Variants in CASR observed in about 807,000 individuals in gnomAD.
CASR encodes the protein extracellular calcium-sensing receptor.
CASR carries 23 observed loss-of-function variants against 69.1 expected under a neutral mutation model. The ratio of observed to expected loss-of-function variants is 0.33; its 90% CI spans 0.24 to 0.47. CASR has a LOEUF of 0.47. Among genes scored for constraint, CASR ranks in the 20% least tolerant of loss-of-function variants. CASR has a pLI of 1.00. For synonymous variants in CASR, 541 were observed against 544.7 expected (o/e 0.99, Z 0.10); for missense variants, 924 against 1,356.1 (o/e 0.68, Z 5.00).
intron 1 of CASR, among the ~76,000 whole-genome samples, chr3:122,250,705 G>C (rs1171058775): frequency 1.3e-5 from 2 of 152,204 alleles, no homozygotes; most frequent in Non-Finnish European, 2.9e-5. Context: ...ATAAATGCTA[G>C]TTTCTGTCTC....
intron 1 of CASR, among the ~76,000 whole-genome samples, chr3:122,189,790 A>G (rs900417600): frequency 6.6e-6 from 1 of 152,228 alleles, no homozygotes; most frequent in Non-Finnish European, 1.5e-5. Flanking sequence ...AAGAAATTGC[A>G]GTTGTACCCC....
At chr3:122,184,071 C>A (rs1484197325) in intron 1 of CASR, among the ~76,000 whole-genome samples, 1 of 152,116 alleles carries the variant, frequency 6.6e-6, no homozygotes, top group Non-Finnish European at 1.5e-5. Flanking sequence ...GCTGGGGACC[C>A]GAGCCGGCCT....
rs1463662689 is a variant in CASR at position 122,243,856 on chromosome 3, A to C, written c.-242-10092A>C. ...AGTACTATTCCATCATAAAAAAAAAAATGAGATCCTGTCATTTGCAGCAAC... is the reference window on the plus strand; with the variant it reads ...AGTACTATTCCATCATAAAAAAAAACATGAGATCCTGTCATTTGCAGCAAC... On this transcript the variant is annotated intron_variant, in intron 1 of 6. Coordinates refer to ENST00000639785, the MANE Select transcript of CASR (RefSeq NM_000388.4). Among the ~76,000 whole-genome samples the C allele has an allele frequency of 2.0e-5, 3 of 152,120 alleles. No individual in the cohort carries two copies. In the East Asian group the frequency reaches 5.8e-4, roughly 29 times the overall value.
rs964933926 is a variant in CASR, at chr3:122,183,674, G to A, written c.-381G>A. On this transcript the variant is annotated 5_prime_UTR_variant, in exon 1 of 7. Coordinates refer to ENST00000639785, the MANE Select transcript of CASR (RefSeq NM_000388.4). ...GCGCGCTGTGGAGTCGGGTAGAGTAGACCAAGTGCAACAGGCACCTGGCTG... is the reference window on the plus strand; with the variant it reads ...GCGCGCTGTGGAGTCGGGTAGAGTAAACCAAGTGCAACAGGCACCTGGCTG... 7.9e-5 allele frequency: 12 copies of A among 152,142 alleles called. No homozygotes were observed. The highest frequency in any genetic ancestry group is 7.2e-4 in the Admixed American group (11 of 15,286). The allele number at this position is 152,142 out of a possible 1,614,324, so 9.4% of individuals were successfully genotyped here. A position where few individuals can be genotyped will look rare whatever the true frequency, so the allele number is the denominator to read the frequency against.
In CASR at chr3:122,290,766, A is replaced by G. The variant is rs961077567; in HGVS notation, c.*5575A>G. 1 of 151,758 alleles carries G rather than the reference A, an allele frequency of 6.6e-6. No homozygotes were observed. The highest frequency in any genetic ancestry group is 1.5e-5 in the Non-Finnish European group (1 of 67,972). 9.4% of individuals were successfully genotyped at this position (151,758 alleles called of 1,614,324 possible). ...TATTATACTTTAAGTTTTAGGGTAC[A>G]TGTGCACAACGTGCAGGTTTGTTAC... On this transcript the variant is annotated 3_prime_UTR_variant, in exon 7 of 7. Transcript: ENST00000639785.
chr3:122,283,621 C>A, intron 6 of CASR, 66 bp from the exon 7 acceptor site: 2 of 1,285,246 alleles, frequency 1.6e-6, no homozygotes, highest in South Asian at 2.4e-5. Flanking sequence ...CCCACCACCA[C>A]ATGTACACTC....
At chr3:122,202,095 C>T (rs1485583973) in intron 1 of CASR, among the ~76,000 whole-genome samples, 3 of 150,948 alleles carry the variant, frequency 2.0e-5, no homozygotes, top group East Asian at 2.0e-4. Context: ...TGTAGCGAGC[C>T]GAGATCACGC....
chr3:122,248,151 G>A (rs978500885), intron 1 of CASR, among the ~76,000 whole-genome samples: 1 of 152,160 alleles, frequency 6.6e-6, no homozygotes, highest in Non-Finnish European at 1.5e-5. Context: ...CCGAAAGAGG[G>A]CCCTCATTTT....
intron 4 of CASR, among the ~76,000 whole-genome samples, chr3:122,269,527 C>T (rs769000167): frequency 2.6e-5 from 4 of 152,176 alleles, no homozygotes; most frequent in South Asian, 2.1e-4. Context: ...ACCAACCTTT[C>T]GTTCCTGGGA....
chr3:122,245,527 A>C (rs3851982), intron 1 of CASR: 126,504 of 152,048 alleles, frequency 0.83, 53,077 homozygotes, highest in Admixed American at 0.88. Context: ...AAGGAATGAT[A>C]GGCATGTGGT....
chr3:122,262,539 G>C, intron 4 of CASR, 127 bp downstream of exon 4: 1 of 796,160 alleles, frequency 1.3e-6, no homozygotes, highest in Non-Finnish European at 2.1e-6. Context: ...ATGGAGCTTT[G>C]GATTCAAAGT....
chr3:122,272,094 C>T (rs879842528), intron 4 of CASR, among the ~76,000 whole-genome samples: 5,498 of 77,860 alleles, frequency 0.071, 158 homozygotes, highest in African/African-American at 0.18. Flanking sequence ...TAGGAATGCA[C>T]ACACACACAC....
chr3:122,199,176 A>G (rs2073918464), intron 1 of CASR, among the ~76,000 whole-genome samples: 1 of 152,224 alleles, frequency 6.6e-6, no homozygotes, highest in Admixed American at 6.5e-5. Flanking sequence ...GATCTGTACC[A>G]CCAAGGAACT....
chr3:122,206,985 G>A (rs906561760), intron 1 of CASR, among the ~76,000 whole-genome samples: 2 of 151,752 alleles, frequency 1.3e-5, no homozygotes, highest in Non-Finnish European at 2.9e-5. Flanking sequence ...CTAGTCAAAA[G>A]TTTGTGAATT....
At chr3:122,209,146 G>A (rs914561465) in intron 1 of CASR, among the ~76,000 whole-genome samples, 8 of 152,088 alleles carry the variant, frequency 5.3e-5, no homozygotes, top group Non-Finnish European at 1.0e-4. Context: ...CTGAAAATTT[G>A]CCTTTCTAAG....
chr3:122,287,634 C>G lies in CASR; in HGVS notation c.*2443C>G, dbSNP rs1416691241. 6.6e-6 allele frequency: 1 copy of G among 152,338 alleles called. No individual in the cohort carries two copies. The highest frequency in any genetic ancestry group is 2.4e-5 in the African/African-American group (1 of 41,454). 9.4% of individuals were successfully genotyped at this position (152,338 alleles called of 1,614,324 possible). On this transcript the variant is annotated 3_prime_UTR_variant, in exon 7 of 7. Transcript: ENST00000639785. ...TGGGCCTCCTCAGTCATCAGCAGCT[C>G]CCTCATGACATTGCTGAAAGCAATC...
chr3:122,204,389 G>A (rs912093916), intron 1 of CASR, among the ~76,000 whole-genome samples: 4 of 152,006 alleles, frequency 2.6e-5, no homozygotes, highest in African/African-American at 7.2e-5. Context: ...TTCCATCCAC[G>A]TTACAATAAA....
At chr3:122,261,107 C>A (rs1333268294) in intron 3 of CASR, among the ~76,000 whole-genome samples, 4 of 152,206 alleles carry the variant, frequency 2.6e-5, no homozygotes, top group Non-Finnish European at 4.4e-5. Flanking sequence ...AGATCAGAAG[C>A]TGAGCCCAAC....
At chr3:122,241,916 G>A (rs984243774) in intron 1 of CASR, among the ~76,000 whole-genome samples, 1 of 151,982 alleles carries the variant, frequency 6.6e-6, no homozygotes, top group Non-Finnish European at 1.5e-5. Flanking sequence ...ACAACAGAAC[G>A]AAGGACAAAA....
Sources: gnomAD v4.1 joint callset for allele counts (sites outside exome capture counted in the v4.1 genomes callset) on GRCh38, gnomAD v4.1.1 for gene constraint, MANE v1.5 for transcripts, NCBI Gene and HGNC (gene_info 2026-07-23, HGNC 2026-07-21) for gene names.